Variants in BRMS1L observed in about 807,000 individuals in gnomAD.
BRMS1L encodes BRMS1 like transcriptional repressor.
A neutral mutation model predicts 50.3 loss-of-function variants in BRMS1L; 23 were observed. The ratio of observed to expected loss-of-function variants is 0.46; its 90% CI spans 0.33 to 0.65. BRMS1L has a LOEUF of 0.65. BRMS1L is among the 30% of genes least tolerant of loss of function. The pLI is 0.02. For missense variants in BRMS1L, 286 were observed against 386.1 expected (o/e 0.74, Z 2.17); for synonymous variants, 114 against 126.9 (o/e 0.90, Z 0.69).
chr14:35,831,431 AAAG>A lies in BRMS1L; in HGVS notation c.173_175del (p.Arg58del), dbSNP rs768519923. 6.2e-7 allele frequency: 1 copy of A among 1,613,620 alleles called. No homozygotes were observed. The highest frequency in any genetic ancestry group is 8.5e-7 in the Non-Finnish European group (1 of 1,179,638). ...ACAGAAATGGATGATGAAGACTGTG[AAAG>A]AAGAAGAATGGAATGTTTGGATGAA... On this transcript the variant is annotated inframe_deletion, in exon 2 of 10. Transcript: ENST00000216807.
chr14:35,842,220 T>G (rs984726481), intron 4 of BRMS1L, among the ~76,000 whole-genome samples: 6 of 152,226 alleles, frequency 3.9e-5, no homozygotes, highest in Non-Finnish European at 5.9e-5. Context: ...CCTGTCATTA[T>G]GATGCTGTCT....
At chr14:35,856,860 C>T (rs1411879586) in intron 4 of BRMS1L, among the ~76,000 whole-genome samples, 3 of 151,904 alleles carry the variant, frequency 2.0e-5, no homozygotes, top group East Asian at 3.9e-4. Flanking sequence ...GTGATCCTAC[C>T]GCCCCAGCCT....
chr14:35,865,066 TTTTG>T, intron 7 of BRMS1L, 67 bp downstream of exon 7: 2 of 1,192,206 alleles, frequency 1.7e-6, no homozygotes, highest in African/African-American at 3.2e-5. Flanking sequence ...TCTATGTTTT[TTTTG>T]TTAGTACATC....
At chr14:35,830,461 G>A (rs1315747110) in intron 1 of BRMS1L, among the ~76,000 whole-genome samples, 1 of 152,012 alleles carries the variant, frequency 6.6e-6, no homozygotes, top group South Asian at 2.1e-4. Context: ...AAGTTCAAAC[G>A]ATCCTCCCAC....
At chr14:35,863,474 A>G (rs1379214564) in intron 5 of BRMS1L, among the ~76,000 whole-genome samples, 1 of 152,184 alleles carries the variant, frequency 6.6e-6, no homozygotes, top group Non-Finnish European at 1.5e-5. Flanking sequence ...GTGCTCCCTC[A>G]CCTACTAGTC....
chr14:35,834,652 A>G (rs1328435361), intron 3 of BRMS1L, among the ~76,000 whole-genome samples, 192 bp from the exon 4 acceptor site: 1 of 152,156 alleles, frequency 6.6e-6, no homozygotes, highest in African/African-American at 2.4e-5. Flanking sequence ...TAGCTCTTAT[A>G]ATTTCTAATC....
chr14:35,833,862 C>T (rs1487385853), intron 3 of BRMS1L, among the ~76,000 whole-genome samples: 1 of 152,030 alleles, frequency 6.6e-6, no homozygotes, highest in East Asian at 1.9e-4. Context: ...TTTTACTAAA[C>T]CCTCCTTTAA....
At chr14:35,829,350 C>T (rs752207157) in intron 1 of BRMS1L, among the ~76,000 whole-genome samples, 7 of 152,098 alleles carry the variant, frequency 4.6e-5, no homozygotes, top group African/African-American at 9.7e-5. Context: ...AAATTCTCCC[C>T]CTATAATTTT....
chr14:35,831,300 C>G lies in BRMS1L; in HGVS notation c.143-110C>G, dbSNP rs568538146. The G allele has an allele frequency of 8.3e-5, 60 of 720,500 alleles. No homozygotes were observed. The African/African-American group carries it at 9.5e-4, about 11-fold the overall frequency. 44.6% of individuals were successfully genotyped at this position (720,500 alleles called of 1,614,324 possible). A position where few individuals can be genotyped will look rare whatever the true frequency, so the allele number is the denominator to read the frequency against. ...TTTTAAGGCTTAATATAGGTCTTCT[C>G]TTCATATTACAGTTTTTCTTCCTAT... On this transcript the variant is annotated intron_variant, in intron 1 of 9. Transcript: ENST00000216807.
At position 35,852,084 on chromosome 14, in the gene BRMS1L, A is replaced by G. The variant is rs565784029; in HGVS notation, c.442-10506A>G. ...TGATGGTTCCAGCTTTCTCTTGCTC[A>G]ACATTATTTTGGCTATATGGAGTCC... is the stretch of plus-strand genomic sequence containing the variant. On this transcript the variant is annotated intron_variant, in intron 4 of 9. Transcript: ENST00000216807. Among the ~76,000 whole-genome samples the G allele has an allele frequency of 3.3e-5, 5 of 152,310 alleles. No homozygotes were observed. In the East Asian group the frequency reaches 9.6e-4, roughly 29 times the overall value.
chr14:35,850,804 A>G (rs1442828306), intron 4 of BRMS1L, among the ~76,000 whole-genome samples: 7 of 152,088 alleles, frequency 4.6e-5, no homozygotes, highest in African/African-American at 1.7e-4. Flanking sequence ...TGGATATCCA[A>G]TTTTCCCAAC....
At chr14:35,867,651 C>T in intron 8 of BRMS1L, 1 of 226,272 alleles carries the variant, frequency 4.4e-6, no homozygotes, top group Non-Finnish European at 8.5e-6. Flanking sequence ...GCTTCCCCTT[C>T]TGGTACTTAA....
chr14:35,843,657 G>T (rs944508693), intron 4 of BRMS1L, among the ~76,000 whole-genome samples: 1 of 152,238 alleles, frequency 6.6e-6, no homozygotes. Context: ...GGAGGCACAG[G>T]GGTCAGGGAC....
chr14:35,841,998 C>CTTTTTTTTTTTTTTTTTTTT (rs574267347), intron 4 of BRMS1L, among the ~76,000 whole-genome samples: 2 of 112,236 alleles, frequency 1.8e-5, no homozygotes, highest in Admixed American at 9.3e-5. Context: ...GCAATCTCTG[C>CTTTTTTTTTTTTTTTTTTTT]TTTTTTTTTT....
intron 4 of BRMS1L, among the ~76,000 whole-genome samples, chr14:35,838,383 A>G (rs1244015507): frequency 5.9e-5 from 9 of 152,186 alleles, no homozygotes; most frequent in Non-Finnish European, 1.3e-4. Context: ...CTTTGGGTGT[A>G]TACCCAGTAT....
chr14:35,865,950 A>G (rs952254341), intron 8 of BRMS1L, 189 bp downstream of exon 8: 4 of 571,450 alleles, frequency 7.0e-6, no homozygotes, highest in East Asian at 3.0e-5. Context: ...TGAATGTGGT[A>G]TAATTATTTC....
chr14:35,843,745 T>C (rs1329402034), intron 4 of BRMS1L, among the ~76,000 whole-genome samples: 1 of 152,258 alleles, frequency 6.6e-6, no homozygotes, highest in Non-Finnish European at 1.5e-5. Context: ...TCTTTAGAGC[T>C]GGCAGGCAGG....
chr14:35,848,515 T>C (rs2078166655), intron 4 of BRMS1L, among the ~76,000 whole-genome samples: 1 of 152,076 alleles, frequency 6.6e-6, no homozygotes, highest in Non-Finnish European at 1.5e-5. Flanking sequence ...TACGTTATTA[T>C]TACCTTTCAT....
At chr14:35,868,416 T>C (rs1225687947) in intron 9 of BRMS1L, among the ~76,000 whole-genome samples, 1 of 152,166 alleles carries the variant, frequency 6.6e-6, no homozygotes, top group Non-Finnish European at 1.5e-5. Flanking sequence ...ATATTTTAGA[T>C]AAAAAGAATT....
Sources: allele counts gnomAD v4.1 joint callset (sites outside exome capture counted in the v4.1 genomes callset), GRCh38; gene constraint gnomAD v4.1.1; transcripts MANE v1.5; gene names NCBI Gene and HGNC (gene_info 2026-07-23, HGNC 2026-07-21).